ZFHX3: variants seen among roughly 807,000 people sequenced by gnomAD.
ZFHX3 encodes zinc finger homeobox 3, also known as zinc finger homeobox protein 3.
ZFHX3 carries 42 observed loss-of-function variants against 279.1 expected under a neutral mutation model. The observed-to-expected ratio is 0.15, with a 90% CI of 0.12 to 0.19. The LOEUF is 0.19. Ranked by LOEUF, ZFHX3 falls within the 10% of genes least tolerant of loss-of-function variation. The probability of loss-of-function intolerance (pLI) is 1.00; values close to 1 mark genes in which losing one functional copy is unlikely to be tolerated. For synonymous variants in ZFHX3, 2,293 were observed against 1,957.8 expected, an observed-to-expected ratio of 1.17 and a Z score of -4.52; for missense variants, 4,981 against 4,754.0, an observed-to-expected ratio of 1.05 and a Z score of -1.40.
chr16:73,707,403 G>C (rs187689951), intron 1 of ZFHX3, among the ~76,000 whole-genome samples: 1 of 152,166 alleles, frequency 6.6e-6, no homozygotes, highest in African/African-American at 2.4e-5. Flanking sequence ...TGTGGATGGA[G>C]ACCTAGATTA....
chr16:73,167,020 A>T (rs968837253), intron 5 of ZFHX3, among the ~76,000 whole-genome samples: 1 of 152,248 alleles, frequency 6.6e-6, no homozygotes, highest in Non-Finnish European at 1.5e-5. Context: ...TCCAAACTAT[A>T]GCCACAGTCC....
chr16:73,549,491 A>T (rs2020171782), intron 2 of ZFHX3, among the ~76,000 whole-genome samples: 1 of 152,222 alleles, frequency 6.6e-6, no homozygotes, highest in African/African-American at 2.4e-5. Context: ...AAATCCAAAT[A>T]AATAGGAATG....
intron 3 of ZFHX3, among the ~76,000 whole-genome samples, chr16:73,343,441 G>C (rs1163181130): frequency 2.6e-5 from 4 of 152,144 alleles, no homozygotes; most frequent in Admixed American, 2.6e-4. Flanking sequence ...GCATGAAGAG[G>C]AGGCCACATG....
intron 1 of ZFHX3, among the ~76,000 whole-genome samples, chr16:73,819,274 T>G (rs998131594): frequency 1.3e-5 from 2 of 150,482 alleles, no homozygotes; most frequent in African/African-American, 4.9e-5. Flanking sequence ...TGTTGAGGAG[T>G]GGGGCAAGGG....
At chr16:73,188,866 C>CTT (rs67553147) in intron 5 of ZFHX3, among the ~76,000 whole-genome samples, 4 of 138,846 alleles carry the variant, frequency 2.9e-5, no homozygotes, top group Non-Finnish European at 6.2e-5. Context: ...ATTTCTTTTT[C>CTT]TTTTTTTTTT....
chr16:73,788,719 T>TATATATATCTATATATAG (rs1206988852), intron 1 of ZFHX3, among the ~76,000 whole-genome samples: 1 of 151,190 alleles, frequency 6.6e-6, no homozygotes, highest in East Asian at 2.0e-4. Flanking sequence ...GGAAAATATA[T>TATATATATCTATATATAG]ATATATCTAT....
chr16:73,168,211 T>TTTCC (rs1555502325), intron 5 of ZFHX3, among the ~76,000 whole-genome samples: 10 of 95,222 alleles, frequency 1.1e-4, no homozygotes, highest in Non-Finnish European at 1.5e-4. Context: ...GTTTCTTTTG[T>TTTCC]TTTCTTTCTT....
At chr16:73,349,906 C>T (rs1213557256) in intron 3 of ZFHX3, among the ~76,000 whole-genome samples, 1 of 148,268 alleles carries the variant, frequency 6.7e-6, no homozygotes, top group Non-Finnish European at 1.5e-5. Flanking sequence ...TTCTTCCCTC[C>T]CTTCCCCTCC....
intron 4 of ZFHX3, among the ~76,000 whole-genome samples, chr16:72,864,635 A>G (rs2037968376): frequency 6.6e-6 from 1 of 152,200 alleles, no homozygotes; most frequent in Non-Finnish European, 1.5e-5. Flanking sequence ...ACAGAGCAGC[A>G]GTTGACCTCT....
chr16:73,156,667 C>T lies in ZFHX3; in HGVS notation c.-1103-12836G>A, dbSNP rs574602889. Among the ~76,000 whole-genome samples, 14 of 152,180 alleles carry T rather than the reference C, an allele frequency of 9.2e-5. No individual in the cohort carries two copies. The South Asian group carries it at 1.7e-3, about 18-fold the overall frequency. ...ACCTCCTGGGTTCAAGTGATCCTCC[C>T]ACTTTAGTCTCCCAAGTAGCTGGGA... On this transcript the variant is annotated intron_variant, in intron 5 of 17. Transcript: ENST00000641206.
chr16:73,540,877 CAG>C (rs540873017), intron 2 of ZFHX3, among the ~76,000 whole-genome samples: 129 of 152,290 alleles, frequency 8.5e-4, no homozygotes, highest in African/African-American at 2.6e-3. Flanking sequence ...CCTAGGCCCA[CAG>C]AGAGATGCAG....
At chr16:73,051,592 T>C (rs1965451345), upstream of ZFHX3, among the ~76,000 whole-genome samples, 1 of 152,198 alleles carries the variant, frequency 6.6e-6, no homozygotes, top group Non-Finnish European at 1.5e-5. Context: ...TGGAACATTA[T>C]CTAATTTCCT....
chr16:73,113,189 C>G (rs1465144500), intron 7 of ZFHX3, among the ~76,000 whole-genome samples: 4 of 151,840 alleles, frequency 2.6e-5, no homozygotes. Context: ...GGCAAGAGGC[C>G]TGGAGAAAGA....
At chr16:72,830,206 T>C (rs1289013321) in intron 4 of ZFHX3, among the ~76,000 whole-genome samples, 1 of 152,238 alleles carries the variant, frequency 6.6e-6, no homozygotes, top group Admixed American at 6.5e-5. Context: ...TGAAGTTGCA[T>C]GCAAGTCTTT....
chr16:73,093,545 T>G (rs1230406242), exon 8 of ZFHX3: 1 of 510,852 alleles, frequency 2.0e-6, no homozygotes, highest in Non-Finnish European at 3.9e-6. Flanking sequence ...CACACAAGCC[T>G]GGAGCCCAGC....
chr16:73,361,967 T>C (rs1033409138), intron 3 of ZFHX3, among the ~76,000 whole-genome samples: 3 of 152,198 alleles, frequency 2.0e-5, no homozygotes, highest in Non-Finnish European at 4.4e-5. Context: ...GCTCTCATGC[T>C]TGTCATGAAC....
At chr16:73,567,283 T>G (rs1018190274) in intron 2 of ZFHX3, among the ~76,000 whole-genome samples, 2 of 151,664 alleles carry the variant, frequency 1.3e-5, no homozygotes, top group Admixed American at 1.3e-4. Context: ...TATATCCAAA[T>G]AAGATCACAT....
At chr16:73,476,846 T>C (rs1223109410) in intron 2 of ZFHX3, among the ~76,000 whole-genome samples, 1 of 152,238 alleles carries the variant, frequency 6.6e-6, no homozygotes, top group Non-Finnish European at 1.5e-5. Context: ...TCACCTTCTT[T>C]AGAATGAACT....
At chr16:73,472,026 A>C (rs2018677067) in intron 2 of ZFHX3, among the ~76,000 whole-genome samples, 3 of 152,006 alleles carry the variant, frequency 2.0e-5, no homozygotes, top group African/African-American at 7.2e-5. Flanking sequence ...CCACGGACTC[A>C]TTTCTGAGGC....
Sources: gnomAD v4.1 joint callset for allele counts (sites outside exome capture counted in the v4.1 genomes callset) on GRCh38, gnomAD v4.1.1 for gene constraint, MANE v1.5 for transcripts, NCBI Gene and HGNC (gene_info 2026-07-23, HGNC 2026-07-21) for gene names.